NAP1L4: variants seen among roughly 807,000 people sequenced by gnomAD.
NAP1L4 encodes the protein nucleosome assembly protein 1 like 4.
Under a neutral mutation model 58.2 loss-of-function variants are expected in NAP1L4, and 15 were observed. The ratio of observed to expected loss-of-function variants is 0.26; its 90% CI spans 0.17 to 0.40. The LOEUF (loss-of-function observed/expected upper bound fraction) is 0.40. Ranked by LOEUF, NAP1L4 falls within the 10% of genes least tolerant of loss-of-function variation. The probability of loss-of-function intolerance (pLI) is 1.00; values close to 1 mark genes in which losing one functional copy is unlikely to be tolerated. For missense variants in NAP1L4, 384 were observed against 451.1 expected (o/e 0.85, Z 1.35); for synonymous variants, 171 against 155.6 (o/e 1.10, Z -0.74).
chr11:2,979,511 G>A (rs1311821812), intron 1 of NAP1L4, among the ~76,000 whole-genome samples: 2 of 152,102 alleles, frequency 1.3e-5, no homozygotes, highest in African/African-American at 2.4e-5. Flanking sequence ...GGTGGTTCAC[G>A]CCTGTAATCC....
At chr11:2,963,510 G>A (rs965127550) in intron 8 of NAP1L4, among the ~76,000 whole-genome samples, 7 of 152,194 alleles carry the variant, frequency 4.6e-5, no homozygotes, top group African/African-American at 1.7e-4. Context: ...AGGGACACCT[G>A]AATGTCACCT....
chr11:2,975,202 C>T (rs1847878178), intron 4 of NAP1L4, among the ~76,000 whole-genome samples: 1 of 150,716 alleles, frequency 6.6e-6, no homozygotes, highest in Admixed American at 6.6e-5. Flanking sequence ...CCTATAGTTC[C>T]AACTACTCTG....
chr11:2,989,966 A>T (rs567397988), intron 1 of NAP1L4: 61 of 152,350 alleles, frequency 4.0e-4, no homozygotes, highest in African/African-American at 1.3e-3. Flanking sequence ...AACATGTGTA[A>T]ACTTTTCAGA....
At chr11:2,963,823 G>A (rs754031977) in intron 8 of NAP1L4, 26 of 519,164 alleles carry the variant, frequency 5.0e-5, no homozygotes, top group South Asian at 1.8e-4. Context: ...GTCATGTGTC[G>A]CTGGAAATGC....
chr11:2,969,462 G>A (rs1000005175), intron 7 of NAP1L4, among the ~76,000 whole-genome samples: 3 of 152,026 alleles, frequency 2.0e-5, no homozygotes, highest in Admixed American at 1.3e-4. Flanking sequence ...TCACACCACA[G>A]GAAGACAGAG....
intron 3 of NAP1L4, among the ~76,000 whole-genome samples, chr11:2,977,049 C>G (rs6578304): frequency 6.6e-6 from 1 of 152,196 alleles, no homozygotes; most frequent in South Asian, 2.1e-4. Flanking sequence ...TTTAAACATT[C>G]ATAATAGAAC....
At chr11:2,977,176 T>A (rs548354731) in intron 3 of NAP1L4, among the ~76,000 whole-genome samples, 32 of 152,324 alleles carry the variant, frequency 2.1e-4, no homozygotes, top group Non-Finnish European at 3.7e-4. Flanking sequence ...TACAAACACA[T>A]ATGAATGGGT....
Position 2,954,046 on chromosome 11 carries a change from A to G in NAP1L4, c.1035+481T>C, listed in dbSNP as rs1846381905. On this transcript the variant is annotated intron_variant, in intron 12 of 15. Transcript: ENST00000380542. This position sits in a 1 kb window ranked among gnomAD's most constrained non-coding sequence, Gnocchi z 4.8. ...AAGCCCAGAAAGGAAAGTGACATGC[A>G]ATCTTGTTGTTTTCTTCGGGAGCAC... is the stretch of plus-strand genomic sequence containing the variant. Among the ~76,000 whole-genome samples the G allele has an allele frequency of 6.6e-6, 1 of 152,130 alleles. No homozygotes were observed.
At chr11:2,972,601 C>T (rs1482445927) in intron 4 of NAP1L4, among the ~76,000 whole-genome samples, 1 of 152,140 alleles carries the variant, frequency 6.6e-6, no homozygotes, top group African/African-American at 2.4e-5. Flanking sequence ...GGCCAAGAAG[C>T]CCTCTAACTG....
intron 1 of NAP1L4, chr11:2,991,180 G>T (rs565923604): frequency 2.2e-6 from 1 of 455,904 alleles, no homozygotes; most frequent in Admixed American, 2.4e-5. Flanking sequence ...AGGGTCTAAA[G>T]GTCCCAAGGC....
rs934530613 is a variant in NAP1L4, at chr11:2,946,864, G to A, written c.*33-1218C>T. The stretch of plus-strand genomic sequence containing the variant: ...GAAGGTGGCCCAGTGTAGTGGCCAA[G>A]AACACTGAGCCACTGGCCTTAGGAG... On this transcript the variant is annotated intron_variant, in intron 15 of 15. Transcript: ENST00000380542. This position sits in a 1 kb window ranked among gnomAD's most constrained non-coding sequence, Gnocchi z 4.8. Among the ~76,000 whole-genome samples the A allele has an allele frequency of 2.6e-5, 4 of 152,162 alleles. No homozygotes were observed. Among genetic ancestry groups the A allele is most frequent in the Admixed American group, 6.5e-5 (1 of 15,268 alleles).
In NAP1L4 at chr11:2,972,107, C is replaced by T. The variant is rs753759874; in HGVS notation, c.310G>A (p.Asp104Asn). 16 of 1,560,510 alleles carry T rather than the reference C, an allele frequency of 1.0e-5. No individual in the cohort carries two copies. The change falls in exon 5 of 16, where the codon GAC becomes AAC. Residue 104 changes from aspartate (D) to asparagine (N), a missense_variant. Around this residue, in one of 3 missense-constraint regions of NAP1L4, gnomAD observed 296 missense variants for 360.8 expected, o/e 0.82. Transcript: ENST00000380542. The stretch of plus-strand genomic sequence containing the variant: ...AAATTAACAGAGCTCCCTACCTTGT[C>T]AAAGAGAGGCTGGTATAGCGCTGCA... ...KYAALYQPLF[D>N]KRREFITGDV...
rs1176154434 is a variant in NAP1L4 at position 2,959,623 on chromosome 11, CTA to C, written c.746+145_746+146del. Reference sequence around the variant, plus strand: ...CTATGAGCATTCCCAAACTGAAAGACTATTGAAATATACATCTACCAGGCTTT... The same window carrying C: ...CTATGAGCATTCCCAAACTGAAAGACTTGAAATATACATCTACCAGGCTTT... On this transcript the variant is annotated intron_variant, in intron 9 of 15. Coordinates refer to ENST00000380542, the MANE Select transcript of NAP1L4 (RefSeq NM_005969.4). The surrounding 1 kb of genome is among the most constrained non-coding windows in gnomAD (Gnocchi z 4.9). The C allele has an allele frequency of 1.4e-5, 13 of 948,772 alleles. No individual in the cohort carries two copies. The highest frequency in any genetic ancestry group is 5.8e-5 in the Admixed American group (2 of 34,652). 58.8% of individuals were successfully genotyped at this position (948,772 alleles called of 1,614,324 possible).
intron 3 of NAP1L4, among the ~76,000 whole-genome samples, chr11:2,976,610 C>G (rs1179700367): frequency 2.0e-5 from 3 of 152,222 alleles, no homozygotes; most frequent in Non-Finnish European, 4.4e-5. Context: ...CAGCACTGTT[C>G]CCTAAGTTTT....
rs1032380307 is a variant in NAP1L4 at position 2,955,801 on chromosome 11, C to T, written c.893-35G>A. Reference sequence around the variant, plus strand: ...GAAAAGACAAAACATATTTAAATTACAGTGACAACTCCCAGAATTTTAAAG... The same window carrying T: ...GAAAAGACAAAACATATTTAAATTATAGTGACAACTCCCAGAATTTTAAAG... On this transcript the variant is annotated intron_variant, in intron 10 of 15. Coordinates refer to ENST00000380542, the MANE Select transcript of NAP1L4 (RefSeq NM_005969.4). This position sits in a 1 kb window ranked among gnomAD's most constrained non-coding sequence, Gnocchi z 4.2. 1.2e-6 allele frequency: 2 copies of T among 1,601,380 alleles called. No individual in the cohort carries two copies. The highest frequency in any genetic ancestry group is 1.1e-5 in the South Asian group (1 of 90,726).
intron 8 of NAP1L4, among the ~76,000 whole-genome samples, chr11:2,963,098 C>CAAAAAAAAAAAAAAA (rs55650724): frequency 2.0e-4 from 19 of 97,074 alleles, no homozygotes; most frequent in East Asian, 3.2e-4. Flanking sequence ...GACTCGGTCT[C>CAAAAAAAAAAAAAAA]AAAAAAAAAA....
At chr11:2,967,818 T>C (rs1004795746) in intron 7 of NAP1L4, among the ~76,000 whole-genome samples, 1 of 152,152 alleles carries the variant, frequency 6.6e-6, no homozygotes, top group Non-Finnish European at 1.5e-5. Flanking sequence ...GCTGAAGCAC[T>C]GACACTACTA....
intron 1 of NAP1L4, chr11:2,989,755 G>C (rs533298324): frequency 6.6e-6 from 1 of 152,352 alleles, no homozygotes; most frequent in African/African-American, 2.4e-5. Flanking sequence ...TGACAGGTTA[G>C]GAAGTTTTCA....
chr11:2,987,715 C>A (rs1244715200), intron 1 of NAP1L4, among the ~76,000 whole-genome samples: 2 of 147,300 alleles, frequency 1.4e-5, no homozygotes, highest in Non-Finnish European at 1.5e-5. Flanking sequence ...CGAGATCGCG[C>A]CACTGCACTC....
Sources: allele counts gnomAD v4.1 joint callset (sites outside exome capture counted in the v4.1 genomes callset), GRCh38; gene constraint gnomAD v4.1.1; regional missense constraint gnomAD v4.1.1; non-coding constraint Gnocchi (gnomAD v3.1); transcripts MANE v1.5; gene names NCBI Gene and HGNC (gene_info 2026-07-23, HGNC 2026-07-21).